The following FER1L6 variants were observed in gnomAD, a reference collection of about 807,000 sequenced individuals.
FER1L6 encodes the protein fer-1-like protein 6.
Under a neutral mutation model 219.2 loss-of-function variants are expected in FER1L6, and 177 were observed. The observed-to-expected ratio is 0.81, with a 90% confidence interval of 0.71 to 0.91. The LOEUF is 0.91. Among genes scored for constraint, FER1L6 ranks in the 40% least tolerant of loss-of-function variants. FER1L6 has a pLI of 0.00. For synonymous variants in FER1L6, 768 were observed against 824.3 expected (o/e 0.93, Z 1.17); for missense variants, 2,153 against 2,259.9 (o/e 0.95, Z 0.96).
chr8:124,091,075 G>C (rs142659781), intron 33 of FER1L6, among the ~76,000 whole-genome samples: 2 of 152,222 alleles, frequency 1.3e-5, no homozygotes, highest in African/African-American at 2.4e-5. Flanking sequence ...AAACTTTTTG[G>C]AACTAGATAA....
At chr8:123,967,560 G>C (rs1815608927) in intron 5 of FER1L6, among the ~76,000 whole-genome samples, 1 of 152,202 alleles carries the variant, frequency 6.6e-6, no homozygotes, top group South Asian at 2.1e-4. Context: ...GCCTTCCAAA[G>C]AGGTAACAAT....
At chr8:124,036,712 C>T (rs1819231965) in intron 19 of FER1L6, among the ~76,000 whole-genome samples, 2 of 152,198 alleles carry the variant, frequency 1.3e-5, no homozygotes, top group East Asian at 3.9e-4. Flanking sequence ...GACCCAAGGA[C>T]CTGGATGTGA....
intron 18 of FER1L6, 77 bp downstream of exon 18, chr8:124,023,673 C>T: frequency 6.8e-7 from 1 of 1,478,732 alleles, no homozygotes; most frequent in Non-Finnish European, 9.2e-7. Context: ...TAGTGTGTGT[C>T]CATGGCTCTG....
At chr8:123,865,701 C>T (rs187946446) in intron 1 of FER1L6, among the ~76,000 whole-genome samples, 1 of 151,362 alleles carries the variant, frequency 6.6e-6, no homozygotes, top group African/African-American at 2.5e-5. Flanking sequence ...TTTTTTAAGC[C>T]GGTCTGAAAA....
intron 16 of FER1L6, among the ~76,000 whole-genome samples, chr8:124,018,181 G>T (rs1818285982): frequency 6.6e-6 from 1 of 152,278 alleles, no homozygotes; most frequent in East Asian, 1.9e-4. Flanking sequence ...CCTAACAGTT[G>T]CTCAGTTCTT....
intron 33 of FER1L6, among the ~76,000 whole-genome samples, chr8:124,082,710 T>C (rs1344923262): frequency 6.6e-6 from 1 of 152,206 alleles, no homozygotes; most frequent in Non-Finnish European, 1.5e-5. Context: ...AAGAGCTAAA[T>C]GTATGTGTTC....
At chr8:124,010,388 T>C (rs1476462244) in intron 13 of FER1L6, among the ~76,000 whole-genome samples, 1 of 152,232 alleles carries the variant, frequency 6.6e-6, no homozygotes, top group Non-Finnish European at 1.5e-5. Context: ...TAGCTGTTAA[T>C]ACCTCTCCAT....
At chr8:124,056,085 C>T (rs1045024754) in intron 22 of FER1L6, among the ~76,000 whole-genome samples, 3 of 152,186 alleles carry the variant, frequency 2.0e-5, no homozygotes, top group Non-Finnish European at 2.9e-5. Context: ...CCAGATAAAC[C>T]AAGATAAACT....
In FER1L6 at chr8:124,066,477, T is replaced by C. The variant is rs1475107344; in HGVS notation, c.3605T>C (p.Ile1202Thr). 3.7e-6 allele frequency: 6 copies of C among 1,613,702 alleles called. No individual in the cohort carries two copies. The highest frequency in any genetic ancestry group is 2.2e-5 in the East Asian group (1 of 44,882). ...RRSTKRRKRT[I>T]ADESAENVID... ...TCCACTAAGAGGAGAAAGAGGACCA[T>C]AGCAGATGAATCTGCTGAAAACGTG... is the stretch of plus-strand genomic sequence containing the variant. The change falls in exon 27 of 41, where the codon ATA becomes ACA. Residue 1202 changes from isoleucine (I) to threonine (T), a missense_variant. Coordinates refer to ENST00000522917, the MANE Select transcript of FER1L6 (RefSeq NM_001039112.2).
At chr8:124,014,896 GTC>G (rs1484255786) in intron 15 of FER1L6, among the ~76,000 whole-genome samples, 1 of 152,170 alleles carries the variant, frequency 6.6e-6, no homozygotes, top group Non-Finnish European at 1.5e-5. Flanking sequence ...TTGGGTCAGA[GTC>G]TCTCCCTGGC....
intron 1 of FER1L6, among the ~76,000 whole-genome samples, chr8:123,864,392 C>T (rs1816795150): frequency 6.7e-6 from 1 of 150,092 alleles, no homozygotes; most frequent in African/African-American, 2.5e-5. Flanking sequence ...CCCGACCTTT[C>T]TCTCTGGCTG....
chr8:123,891,101 T>TA (rs1344783015), intron 1 of FER1L6, among the ~76,000 whole-genome samples: 3 of 152,098 alleles, frequency 2.0e-5, no homozygotes, highest in Admixed American at 6.5e-5. Flanking sequence ...TAAGTAACAA[T>TA]AAAAAAAGTG....
At chr8:124,022,867 T>A (rs1476630295) in intron 17 of FER1L6, among the ~76,000 whole-genome samples, 2 of 152,030 alleles carry the variant, frequency 1.3e-5, no homozygotes, top group Non-Finnish European at 2.9e-5. Context: ...CCAGCTTGCA[T>A]GTTCTCATAT....
chr8:123,884,712 G>C (rs1341046028), intron 1 of FER1L6, among the ~76,000 whole-genome samples: 1 of 151,230 alleles, frequency 6.6e-6, no homozygotes, highest in Non-Finnish European at 1.5e-5. Flanking sequence ...GAACCCCCAG[G>C]TTTGGTGCTG....
At position 124,023,446 on chromosome 8, in the gene FER1L6, C is replaced by A; in HGVS notation, c.2136C>A (p.Pro712=). The change falls in exon 18 of 41, where the codon CCC becomes CCA. Residue 712 remains proline, a splice_region_variant and synonymous_variant. Transcript: ENST00000522917. ...VEKIRFLVDE[P]QHTIPDVFIW... ...CCCAACTCCCTCTATTCCCACAGCC[C>A]CAGCACACTATCCCTGACGTTTTCA... 6.2e-7 allele frequency: 1 copy of A among 1,613,910 alleles called. No homozygotes were observed. The highest frequency in any genetic ancestry group is 8.5e-7 in the Non-Finnish European group (1 of 1,179,866).
At chr8:123,887,246 C>T (rs1817219802) in intron 1 of FER1L6, among the ~76,000 whole-genome samples, 1 of 152,142 alleles carries the variant, frequency 6.6e-6, no homozygotes, top group Admixed American at 6.5e-5. Context: ...TCTTTCTTGG[C>T]AATAATTGCT....
chr8:124,066,484 T>A lies in FER1L6; in HGVS notation c.3612T>A (p.Asp1204Glu). Residue 1204 changes from aspartate to glutamate, a missense_variant, in exon 27 of 41, where the codon GAT becomes GAA. Coordinates refer to ENST00000522917, the MANE Select transcript of FER1L6 (RefSeq NM_001039112.2). ...STKRRKRTIA[D>E]ESAENVIDWW... Reference sequence around the variant, plus strand: ...AGAGGAGAAAGAGGACCATAGCAGATGAATCTGCTGAAAACGTGATTGACT... The same window carrying A: ...AGAGGAGAAAGAGGACCATAGCAGAAGAATCTGCTGAAAACGTGATTGACT... 1 of 1,614,110 alleles carries A rather than the reference T, an allele frequency of 6.2e-7. No homozygotes were observed. Among genetic ancestry groups the A allele is most frequent in the Non-Finnish European group, 8.5e-7 (1 of 1,179,966 alleles).
intron 1 of FER1L6, among the ~76,000 whole-genome samples, chr8:123,927,506 G>A (rs1363799174): frequency 6.6e-6 from 1 of 152,160 alleles, no homozygotes; most frequent in African/African-American, 2.4e-5. Flanking sequence ...AATATCCAAG[G>A]AGCAGCTCAG....
intron 1 of FER1L6, among the ~76,000 whole-genome samples, chr8:123,865,829 C>T (rs1287471736): frequency 2.6e-5 from 4 of 151,522 alleles, no homozygotes; most frequent in African/African-American, 9.8e-5. Flanking sequence ...ATGCCTCGCC[C>T]TGCTTTGGCT....
Sources: allele counts gnomAD v4.1 joint callset (sites outside exome capture counted in the v4.1 genomes callset), GRCh38; gene constraint gnomAD v4.1.1; transcripts MANE v1.5; gene names NCBI Gene and HGNC (gene_info 2026-07-23, HGNC 2026-07-21).